Variants in HNF4G observed in about 807,000 individuals in gnomAD.
HNF4G encodes the protein hepatocyte nuclear factor 4 gamma.
HNF4G carries 21 observed loss-of-function variants against 50.9 expected under a neutral mutation model. That is an observed-to-expected ratio of 0.41 (90% CI 0.29 to 0.59). HNF4G has a LOEUF of 0.59. Ranked by LOEUF, HNF4G falls within the 20% of genes least tolerant of loss-of-function variation. HNF4G has a pLI of 0.26. For missense variants in HNF4G, 527 were observed against 559.4 expected (o/e 0.94, Z 0.58); for synonymous variants, 198 against 185.6 (o/e 1.07, Z -0.54).
chr8:75,448,019 AC>A (rs1811467781), intron 1 of HNF4G, among the ~76,000 whole-genome samples: 1 of 78,038 alleles, frequency 1.3e-5, no homozygotes, highest in African/African-American at 5.2e-5. Context: ...AATAGCAAAG[AC>A]TTGGAACCAA....
intron 1 of HNF4G, 49 bp from the exon 2 acceptor site, chr8:75,543,762 T>A: frequency 6.7e-7 from 1 of 1,482,002 alleles, no homozygotes; most frequent in Non-Finnish European, 9.2e-7. Context: ...GACAATTTAG[T>A]CAGGAAATAG....
intron 2 of HNF4G, among the ~76,000 whole-genome samples, chr8:75,518,076 G>T (rs1445813072): frequency 6.6e-6 from 1 of 150,972 alleles, no homozygotes; most frequent in Admixed American, 6.6e-5. Flanking sequence ...CCATGTTGGT[G>T]TGCTGCACCC....
At chr8:75,438,806 A>G (rs1811203331) in intron 1 of HNF4G, among the ~76,000 whole-genome samples, 1 of 152,042 alleles carries the variant, frequency 6.6e-6, no homozygotes, top group African/African-American at 2.4e-5. Flanking sequence ...AACCAATTTC[A>G]GTGGGATTCT....
chr8:75,442,807 T>C (rs1476684560), intron 1 of HNF4G, among the ~76,000 whole-genome samples: 1 of 152,058 alleles, frequency 6.6e-6, no homozygotes, highest in Admixed American at 6.6e-5. Flanking sequence ...TTTTAAGGTG[T>C]TCAGGGATAA....
intron 2 of HNF4G, among the ~76,000 whole-genome samples, chr8:75,506,704 G>C (rs189705597): frequency 6.6e-6 from 1 of 152,094 alleles, no homozygotes; most frequent in Non-Finnish European, 1.5e-5. Flanking sequence ...TAATGTCCTG[G>C]ATTTTCCTAA....
intron 1 of HNF4G, among the ~76,000 whole-genome samples, chr8:75,485,164 G>T (rs1370509155): frequency 6.6e-6 from 1 of 152,104 alleles, no homozygotes; most frequent in Non-Finnish European, 1.5e-5. Flanking sequence ...AATGGAAATG[G>T]TGGTAGAATT....
intron 1 of HNF4G, among the ~76,000 whole-genome samples, chr8:75,420,443 G>C (rs961651834): frequency 6.6e-6 from 1 of 152,156 alleles, no homozygotes; most frequent in African/African-American, 2.4e-5. Context: ...TTGACGTTCC[G>C]GCCTCAGCCG....
At chr8:75,487,190 C>T (rs1812518498) in intron 1 of HNF4G, among the ~76,000 whole-genome samples, 1 of 152,126 alleles carries the variant, frequency 6.6e-6, no homozygotes, top group Non-Finnish European at 1.5e-5. Flanking sequence ...GCTCCTTTTG[C>T]CAACTTGCAG....
chr8:75,479,079 G>C (rs77959548), intron 1 of HNF4G, among the ~76,000 whole-genome samples: 9,728 of 152,172 alleles, frequency 0.064, 353 homozygotes, highest in Middle Eastern at 0.068. Flanking sequence ...GCACAGAATT[G>C]GCCCTTGTTA....
intron 2 of HNF4G, among the ~76,000 whole-genome samples, chr8:75,523,912 T>C (rs887036712): frequency 3.9e-5 from 6 of 152,036 alleles, no homozygotes; most frequent in Non-Finnish European, 7.4e-5. Context: ...ATATAAGAAG[T>C]ATAATGAAAA....
rs1811612207 is a variant in HNF4G at position 75,452,614 on chromosome 8, G to A, written c.-143-37475G>A. Among the ~76,000 whole-genome samples the A allele has an allele frequency of 7.3e-5, 11 of 150,904 alleles. No homozygotes were observed. The South Asian group carries it at 2.3e-3, about 32-fold the overall frequency. ...GGCGCCTGTAGTCCCAGCTACTTGGGAGGCTGAGGCAGGGAAATGGCGTGA... is the reference window on the plus strand; with the variant it reads ...GGCGCCTGTAGTCCCAGCTACTTGGAAGGCTGAGGCAGGGAAATGGCGTGA... On this transcript the variant is annotated intron_variant, in intron 1 of 10. Transcript: ENST00000354370.
intron 1 of HNF4G, among the ~76,000 whole-genome samples, chr8:75,540,845 A>ATGTGTGTGTGTGTGTGTGTG (rs1428053562): frequency 1.3e-4 from 12 of 93,256 alleles, no homozygotes; most frequent in African/African-American, 6.0e-4. Context: ...ACTTTGGAAA[A>ATGTGTGTGTGTGTGTGTGTG]TGTGTATGTG....
chr8:75,524,539 G>A (rs1806131478), intron 2 of HNF4G, among the ~76,000 whole-genome samples: 1 of 152,068 alleles, frequency 6.6e-6, no homozygotes, highest in African/African-American at 2.4e-5. Flanking sequence ...TATTATAGTA[G>A]CCATTAATTT....
At chr8:75,545,055 C>CA (rs954206758) in intron 2 of HNF4G, among the ~76,000 whole-genome samples, 30 of 151,112 alleles carry the variant, frequency 2.0e-4, no homozygotes, top group African/African-American at 6.8e-4. Flanking sequence ...TCTAGGTAAA[C>CA]AAAAAAAAGT....
intron 1 of HNF4G, among the ~76,000 whole-genome samples, chr8:75,465,159 G>A (rs547598749): frequency 6.6e-6 from 1 of 152,188 alleles, no homozygotes; most frequent in South Asian, 2.1e-4. Context: ...GCCTCATATA[G>A]GATTCTACAG....
chr8:75,438,585 G>T (rs1811196593), intron 1 of HNF4G, among the ~76,000 whole-genome samples: 1 of 149,800 alleles, frequency 6.7e-6, no homozygotes, highest in Non-Finnish European at 1.5e-5. Context: ...TTCCTTTTCA[G>T]TTATGATATT....
At chr8:75,493,016 A>AATAT (rs143195684) in intron 2 of HNF4G, among the ~76,000 whole-genome samples, 145 of 148,162 alleles carry the variant, frequency 9.8e-4, no homozygotes, top group Non-Finnish European at 1.7e-3. Flanking sequence ...ATATGACTGA[A>AATAT]ATATATATAT....
chr8:75,554,560 C>T (rs1057165292), intron 5 of HNF4G, among the ~76,000 whole-genome samples: 3 of 152,084 alleles, frequency 2.0e-5, no homozygotes, highest in Non-Finnish European at 2.9e-5. Context: ...CTCCATTTTA[C>T]AGTTTCTAAA....
intron 1 of HNF4G, among the ~76,000 whole-genome samples, chr8:75,429,505 A>G: frequency 6.6e-6 from 1 of 152,146 alleles, no homozygotes; most frequent in Admixed American, 6.5e-5. Flanking sequence ...TTTCCACCAC[A>G]GGAATCTCTG....
Sources: allele counts gnomAD v4.1 joint callset (sites outside exome capture counted in the v4.1 genomes callset), GRCh38; gene constraint gnomAD v4.1.1; transcripts MANE v1.5; gene names NCBI Gene and HGNC (gene_info 2026-07-23, HGNC 2026-07-21).